The following DNER variants were observed in gnomAD, a reference collection of about 807,000 sequenced individuals.
DNER encodes delta and Notch-like epidermal growth factor-related receptor.
In DNER, 33 loss-of-function variants were observed where a neutral mutation model predicts 78.2. The observed-to-expected ratio is 0.42, with a 90% CI of 0.32 to 0.56. The LOEUF (loss-of-function observed/expected upper bound fraction) is 0.56. DNER is among the 20% of genes least tolerant of loss of function. The pLI, the probability that DNER is intolerant of heterozygous loss-of-function variation, is 0.11. For synonymous variants in DNER, 417 were observed against 384.8 expected (o/e 1.08, Z -0.98); for missense variants, 918 against 975.3 (o/e 0.94, Z 0.78).
chr2:229,576,414 A>C, intron 4 of DNER, among the ~76,000 whole-genome samples: 1 of 151,150 alleles, frequency 6.6e-6, no homozygotes, highest in Non-Finnish European at 1.5e-5. Context: ...AATGTCACAG[A>C]GGTAGATTGT....
Position 229,560,784 on chromosome 2 carries a change from C to T in DNER, c.848-13692G>A, listed in dbSNP as rs539324700. Among the ~76,000 whole-genome samples, 393 of 152,214 alleles carry T rather than the reference C, an allele frequency of 2.6e-3. 5 individuals carry two copies. The South Asian group carries it at 0.036, about 14-fold the overall frequency. On this transcript the variant is annotated intron_variant, in intron 4 of 12. Transcript: ENST00000341772. ...CCAGTCCAGGGTGGCAATGATTACA[C>T]GAGGCTTACTAACATACCTCAGCTG...
intron 1 of DNER, among the ~76,000 whole-genome samples, chr2:229,607,957 G>A (rs1697969793): frequency 1.4e-5 from 2 of 139,000 alleles, no homozygotes; most frequent in South Asian, 4.7e-4. Context: ...AGGAGGCAGA[G>A]TTTGCAGTGA....
intron 6 of DNER, among the ~76,000 whole-genome samples, chr2:229,509,849 G>A (rs1695828389): frequency 6.6e-6 from 1 of 152,114 alleles, no homozygotes; most frequent in Non-Finnish European, 1.5e-5. Context: ...AAAAAGGGGA[G>A]ACAGGTAGTA....
At chr2:229,542,775 CAAAAA>C (rs56738752) in intron 5 of DNER, among the ~76,000 whole-genome samples, 15 of 88,250 alleles carry the variant, frequency 1.7e-4, no homozygotes, top group Admixed American at 2.2e-4. Flanking sequence ...CCCAAGTAGG[CAAAAA>C]AAAAAAAAAA....
rs1452961802 is a variant in DNER, at chr2:229,668,534, GTGTATA to G, written c.276+45608_276+45613del. Among the ~76,000 whole-genome samples, 8 of 4,968 alleles carry G rather than the reference GTGTATA, an allele frequency of 1.6e-3. No individual in the cohort carries two copies. In the East Asian group the frequency reaches 0.077, roughly 48 times the overall value. The allele number at this position is 4,968 out of a possible 152,430, so 3.3% of individuals were successfully genotyped here. A position where few individuals can be genotyped will look rare whatever the true frequency, so the allele number is the denominator to read the frequency against. ...GGTAAGTATGTGTGTGTGTGTGTGT[GTGTATA>G]TATATATATATATATATATATATAT... On this transcript the variant is annotated intron_variant, in intron 1 of 12. Coordinates refer to ENST00000341772, the MANE Select transcript of DNER (RefSeq NM_139072.4).
At chr2:229,533,834 G>C (rs1696353045) in intron 5 of DNER, among the ~76,000 whole-genome samples, 2 of 152,342 alleles carry the variant, frequency 1.3e-5, no homozygotes, top group South Asian at 4.1e-4. Context: ...TTTGTTATCG[G>C]AGATAAAATC....
intron 1 of DNER, among the ~76,000 whole-genome samples, chr2:229,615,191 C>T (rs941138416): frequency 6.6e-6 from 1 of 151,576 alleles, no homozygotes; most frequent in African/African-American, 2.4e-5. Flanking sequence ...GCAGGCGGAT[C>T]GCCTGAGGTC....
intron 7 of DNER, among the ~76,000 whole-genome samples, chr2:229,465,560 C>A (rs1384849828): frequency 6.6e-6 from 1 of 152,072 alleles, no homozygotes; most frequent in African/African-American, 2.4e-5. Context: ...ACATCCTACA[C>A]ATGTATCCTG....
chr2:229,536,327 C>T (rs1047834742), intron 5 of DNER, among the ~76,000 whole-genome samples: 3 of 152,112 alleles, frequency 2.0e-5, no homozygotes, highest in Non-Finnish European at 2.9e-5. Flanking sequence ...GTGTCCTCAC[C>T]CTGGTTTGGT....
intron 12 of DNER, among the ~76,000 whole-genome samples, chr2:229,364,972 T>G (rs531885280): frequency 1.0e-3 from 152 of 149,246 alleles, no homozygotes; most frequent in African/African-American, 3.7e-3. Flanking sequence ...TGCCTCAGCC[T>G]CCAGAGTAGC....
At chr2:229,581,828 T>C (rs1252483946) in intron 4 of DNER, among the ~76,000 whole-genome samples, 3 of 152,236 alleles carry the variant, frequency 2.0e-5, no homozygotes, top group Non-Finnish European at 2.9e-5. Context: ...GGAACTCCTC[T>C]GCTCTGTTGC....
rs190323982 is a variant in DNER, at chr2:229,618,568, C to T, written c.277-26680G>A. 5.1e-4 allele frequency among the ~76,000 whole-genome samples: 78 copies of T among 152,276 alleles called. 1 individual carries two copies. The highest frequency in any genetic ancestry group is 1.8e-3 in the African/African-American group (74 of 41,560). ...AGCCTCGCAAAGCTGGTGCCCCGGA[C>T]GCACAGCCCACCCCAGTGAATTCTG... On this transcript the variant is annotated intron_variant, in intron 1 of 12. Coordinates refer to ENST00000341772, the MANE Select transcript of DNER (RefSeq NM_139072.4).
At chr2:229,384,234 C>A (rs1692810837) in intron 11 of DNER, among the ~76,000 whole-genome samples, 1 of 152,030 alleles carries the variant, frequency 6.6e-6, no homozygotes, top group African/African-American at 2.4e-5. Context: ...CACAATGTAC[C>A]AGAATCTCTG....
chr2:229,573,748 G>A (rs1469566404), intron 4 of DNER, among the ~76,000 whole-genome samples: 3 of 152,110 alleles, frequency 2.0e-5, no homozygotes, highest in African/African-American at 7.2e-5. Context: ...TAAATGAGAG[G>A]AATGTCACTA....
At chr2:229,624,312 A>C (rs143703650) in intron 1 of DNER, among the ~76,000 whole-genome samples, 4 of 152,288 alleles carry the variant, frequency 2.6e-5, no homozygotes, top group African/African-American at 9.6e-5. Context: ...AGAAAACTTA[A>C]AGGTTCCTAA....
At chr2:229,530,483 G>C (rs1191297443) in intron 5 of DNER, among the ~76,000 whole-genome samples, 1 of 152,198 alleles carries the variant, frequency 6.6e-6, no homozygotes, top group Non-Finnish European at 1.5e-5. Context: ...TTCTGTCTGA[G>C]GACTGAGCCA....
chr2:229,362,386 A>T (rs1450329840), intron 12 of DNER, among the ~76,000 whole-genome samples: 1 of 152,182 alleles, frequency 6.6e-6, no homozygotes, highest in South Asian at 2.1e-4. Flanking sequence ...TGCAACCTTC[A>T]TGCATGTGAC....
intron 11 of DNER, among the ~76,000 whole-genome samples, chr2:229,386,032 A>T (rs1038914710): frequency 3.9e-5 from 6 of 152,196 alleles, no homozygotes; most frequent in Non-Finnish European, 8.8e-5. Context: ...AAGCAAACAG[A>T]ACAAAGCTGG....
intron 11 of DNER, among the ~76,000 whole-genome samples, chr2:229,385,556 T>C (rs1349833764): frequency 6.6e-6 from 1 of 152,222 alleles, no homozygotes; most frequent in Admixed American, 6.5e-5. Context: ...ATGACATGAT[T>C]GTATATTTAG....
Sources: allele counts gnomAD v4.1 joint callset (sites outside exome capture counted in the v4.1 genomes callset), GRCh38; gene constraint gnomAD v4.1.1; transcripts MANE v1.5; gene names NCBI Gene and HGNC (gene_info 2026-07-23, HGNC 2026-07-21).